Variants in WNT5B observed in about 807,000 individuals in gnomAD.
The protein encoded by WNT5B is Wnt family member 5B.
WNT5B carries 18 observed loss-of-function variants against 36.5 expected under a neutral mutation model. The observed-to-expected ratio is 0.49, with a 90% confidence interval of 0.34 to 0.73. The LOEUF (loss-of-function observed/expected upper bound fraction) is 0.73, where lower values mean the gene tolerates loss of function less well. WNT5B is among the 30% of genes least tolerant of loss of function. The pLI is 0.01. For synonymous variants in WNT5B, 213 were observed against 212.3 expected (o/e 1.00, Z -0.03); for missense variants, 424 against 508.4 (o/e 0.83, Z 1.60).
Position 1,639,731 on chromosome 12 carries a change from G to T in WNT5B, c.376G>T (p.Val126Phe), listed in dbSNP as rs753708813. The T allele has an allele frequency of 1.3e-5, 20 of 1,598,940 alleles. No homozygotes were observed. The highest frequency in any genetic ancestry group is 1.6e-5 in the Non-Finnish European group (19 of 1,173,738). Residue 126 changes from valine to phenylalanine, a missense_variant, in exon 4 of 5, where the codon GTC (valine) becomes TTC (phenylalanine). Transcript: ENST00000397196. ...CCACGCGGTGAGCGCCGCGGGCGTG[G>T]TCAACGCCATCAGCCGGGCCTGCCG... ...FTHAVSAAGV[V>F]NAISRACREG...
upstream of WNT5B, among the ~76,000 whole-genome samples, chr12:1,626,417 C>T (rs1478899270): frequency 6.6e-6 from 1 of 151,892 alleles, no homozygotes; most frequent in East Asian, 1.9e-4. Flanking sequence ...GTATGTGCCA[C>T]CGTGCCTGGC....
At chr12:1,627,725 G>A (rs868319264), upstream of WNT5B, among the ~76,000 whole-genome samples, 8 of 152,264 alleles carry the variant, frequency 5.3e-5, no homozygotes, top group Admixed American at 2.0e-4. This position sits in a 1 kb window ranked among gnomAD's most constrained non-coding sequence, Gnocchi z 5.0. Flanking sequence ...AGGGGGTCTT[G>A]GAGGTGTAGC....
At chr12:1,643,656 A>G (rs1425521820) in intron 4 of WNT5B, among the ~76,000 whole-genome samples, 2 of 138,012 alleles carry the variant, frequency 1.4e-5, no homozygotes, top group Non-Finnish European at 1.5e-5. Flanking sequence ...ATAAGCCACC[A>G]TGCCCGGCGA....
chr12:1,631,328 G>T lies in WNT5B; in HGVS notation c.-27G>T, dbSNP rs755352471. Reference sequence around the variant, plus strand: ...CCTACTCTGGAAACTGTCAGTCCCAGGGCACTGGGGAGGGCTGAGGCCGAC... The same window carrying T: ...CCTACTCTGGAAACTGTCAGTCCCATGGCACTGGGGAGGGCTGAGGCCGAC... On this transcript the variant is annotated 5_prime_UTR_variant, in exon 2 of 5. It adds an upstream start codon to the 5' untranslated region. Transcript: ENST00000397196. The T allele has an allele frequency of 6.2e-7, 1 of 1,613,560 alleles. No individual in the cohort carries two copies. The highest frequency in any genetic ancestry group is 1.7e-5 in the Admixed American group (1 of 59,992).
rs981940006 is a variant in WNT5B at position 1,618,475 on chromosome 12, A to G, written c.-58+1332A>G. 6.6e-6 allele frequency among the ~76,000 whole-genome samples: 1 copy of G among 152,222 alleles called. No individual in the cohort carries two copies. The highest frequency in any genetic ancestry group is 1.5e-5 in the Non-Finnish European group (1 of 68,038). ...GATCTGGTGAAAATAGATTACTTGC[A>G]GGACAAGAGCATCTAAACACCCCTC... On this transcript the variant is annotated intron_variant, in intron 1 of 4. Transcript: ENST00000310594. The surrounding 1 kb of genome is among the most constrained non-coding windows in gnomAD (Gnocchi z 4.1).
At chr12:1,643,151 G>A (rs1453348273) in intron 4 of WNT5B, among the ~76,000 whole-genome samples, 2 of 152,114 alleles carry the variant, frequency 1.3e-5, no homozygotes, top group Non-Finnish European at 2.9e-5. Context: ...CTCTTGGCCT[G>A]CAAGAGCATC....
chr12:1,617,330 A>T (rs919754823), intron 1 of WNT5B, among the ~76,000 whole-genome samples: 1 of 150,590 alleles, frequency 6.6e-6, no homozygotes, highest in African/African-American at 2.4e-5. Flanking sequence ...TATAATATGT[A>T]TATTGAGGTC....
At chr12:1,627,739 G>A (rs772823081), upstream of WNT5B, among the ~76,000 whole-genome samples, 30 of 152,230 alleles carry the variant, frequency 2.0e-4, no homozygotes, top group South Asian at 6.2e-4. The surrounding 1 kb of genome is among the most constrained non-coding windows in gnomAD (Gnocchi z 5.0). Flanking sequence ...GTGTAGCATC[G>A]TTACATCCCC....
chr12:1,627,362 T>C (rs1029257158), upstream of WNT5B, among the ~76,000 whole-genome samples: 2 of 152,194 alleles, frequency 1.3e-5, no homozygotes, highest in Admixed American at 6.5e-5. The surrounding 1 kb of genome is among the most constrained non-coding windows in gnomAD (Gnocchi z 5.0). Context: ...CTTGAGTCCC[T>C]GGGTGCTGGG....
rs2094586679 is a variant in WNT5B, at chr12:1,646,891, G to C, written c.*639G>C. 6.6e-6 allele frequency: 1 copy of C among 152,256 alleles called. No individual in the cohort carries two copies. The highest frequency in any genetic ancestry group is 2.1e-4 in the South Asian group (1 of 4,814). The allele number at this position is 152,256 out of a possible 1,614,324, so 9.4% of individuals were successfully genotyped here. Reference sequence around the variant, plus strand: ...GACTTCAGGCCTGCCTTTCCAGCGAGAATTCTTCATCCTCCACGGTTCACT... The same window carrying C: ...GACTTCAGGCCTGCCTTTCCAGCGACAATTCTTCATCCTCCACGGTTCACT... On this transcript the variant is annotated 3_prime_UTR_variant, in exon 5 of 5. Transcript: ENST00000397196.
upstream of WNT5B, among the ~76,000 whole-genome samples, chr12:1,627,114 A>G (rs995598197): frequency 3.3e-5 from 5 of 152,340 alleles, no homozygotes; most frequent in Non-Finnish European, 7.3e-5. This position sits in a 1 kb window ranked among gnomAD's most constrained non-coding sequence, Gnocchi z 5.0. Context: ...CGGCTAAAAC[A>G]TGCAAGAAGC....
At position 1,618,004 on chromosome 12, in the gene WNT5B, C is replaced by G. The variant is rs7302655; in HGVS notation, c.-58+861C>G. On this transcript the variant is annotated intron_variant, in intron 1 of 4. Coordinates refer to the WNT5B transcript ENST00000310594. This position sits in a 1 kb window ranked among gnomAD's most constrained non-coding sequence, Gnocchi z 4.1. Reference sequence around the variant, plus strand: ...AAGAATTTAAAAACTTAACCAGACACAGTGGCTTACACCTGTAGTCCCAGC... The same window carrying G: ...AAGAATTTAAAAACTTAACCAGACAGAGTGGCTTACACCTGTAGTCCCAGC... Among the ~76,000 whole-genome samples the G allele has an allele frequency of 0.53, 81,219 of 151,858 alleles. 22,557 individuals carry two copies. The highest frequency in any genetic ancestry group is 0.6 in the Non-Finnish European group (40,656 of 67,906).
In WNT5B at chr12:1,639,756, G is replaced by A. The variant is rs1320799013; in HGVS notation, c.401G>A (p.Arg134His). The A allele has an allele frequency of 1.9e-6, 3 of 1,606,058 alleles. No homozygotes were observed. Among genetic ancestry groups the A allele is most frequent in the African/African-American group, 1.3e-5 (1 of 74,644 alleles). Residue 134 changes from arginine (R) to histidine (H), a missense_variant, in exon 4 of 5, where the codon CGC (arginine) becomes CAC (histidine). By Grantham distance (29) the Arg-to-His change is conservative (BLOSUM62 0). Transcript: ENST00000397196. ...GVVNAISRAC[R>H]EGELSTCGCS... ...GTCAACGCCATCAGCCGGGCCTGCC[G>A]CGAGGGCGAGCTCTCCACCTGCGGC...
intron 4 of WNT5B, among the ~76,000 whole-genome samples, chr12:1,645,337 C>T (rs1454909871): frequency 1.3e-5 from 2 of 152,200 alleles, no homozygotes; most frequent in Non-Finnish European, 2.9e-5. Flanking sequence ...TTCCTGGGCT[C>T]AAGTGATCCT....
upstream of WNT5B, among the ~76,000 whole-genome samples, chr12:1,626,520 C>T (rs573260864): frequency 5.7e-4 from 86 of 151,758 alleles, no homozygotes; most frequent in South Asian, 1.0e-2. Context: ...GCCTCGGCCT[C>T]GCAAAGTGCT....
rs576112523 is a variant in WNT5B, at chr12:1,646,202, G to C, written c.1030G>C (p.Val344Leu). ...CHCKFHWCCFVRCKKCTEIVD... is the reference protein window; with the variant it reads ...CHCKFHWCCFLRCKKCTEIVD... The stretch of plus-strand genomic sequence containing the variant: ...CTGCAAGTTCCACTGGTGCTGCTTC[G>C]TCAGGTGTAAGAAGTGCACGGAGAT... The change falls in exon 5 of 5, where the codon GTC (valine) becomes CTC (leucine). Residue 344 changes from valine to leucine, a missense_variant. By Grantham distance (32) the Val-to-Leu change is conservative (BLOSUM62 1). Transcript: ENST00000397196. 2 of 1,613,834 alleles carry C rather than the reference G, an allele frequency of 1.2e-6. No homozygotes were observed. Among genetic ancestry groups the C allele is most frequent in the African/African-American group, 1.3e-5 (1 of 75,074 alleles).
At chr12:1,638,187 G>A (rs2094565879) in intron 3 of WNT5B, among the ~76,000 whole-genome samples, 1 of 152,076 alleles carries the variant, frequency 6.6e-6, no homozygotes, top group Admixed American at 6.5e-5. Context: ...CGGAGCTTGC[G>A]GTGAGCCGAG....
At chr12:1,636,920 C>T (rs906534645) in intron 3 of WNT5B, among the ~76,000 whole-genome samples, 2 of 152,070 alleles carry the variant, frequency 1.3e-5, no homozygotes, top group South Asian at 2.1e-4. Flanking sequence ...GTTGGCCAAG[C>T]GGGTCTCGAA....
chr12:1,636,170 C>A (rs763553686), intron 3 of WNT5B, among the ~76,000 whole-genome samples: 1 of 152,048 alleles, frequency 6.6e-6, no homozygotes, highest in Non-Finnish European at 1.5e-5. Context: ...CTTATAACAG[C>A]TTTATTGAGA....
Sources: allele counts gnomAD v4.1 joint callset (sites outside exome capture counted in the v4.1 genomes callset), GRCh38; gene constraint gnomAD v4.1.1; non-coding constraint Gnocchi (gnomAD v3.1); transcripts MANE v1.5; gene names NCBI Gene and HGNC (gene_info 2026-07-23, HGNC 2026-07-21).